Variants in SEMA3E observed in about 807,000 individuals in gnomAD.
SEMA3E encodes the protein semaphorin-3E.
A neutral mutation model predicts 93.6 loss-of-function variants in SEMA3E; 49 were observed. The ratio of observed to expected loss-of-function variants is 0.52; its 90% CI spans 0.42 to 0.66. The LOEUF is 0.66. SEMA3E is among the 30% of genes least tolerant of loss of function. The pLI, the probability that SEMA3E is intolerant of heterozygous loss-of-function variation, is 0.00. For missense variants in SEMA3E, 906 were observed against 964.8 expected (o/e 0.94, Z 0.81); for synonymous variants, 363 against 330.7 (o/e 1.10, Z -1.06).
At chr7:83,402,234 A>C (rs575099158) in intron 10 of SEMA3E, among the ~76,000 whole-genome samples, 1 of 152,066 alleles carries the variant, frequency 6.6e-6, no homozygotes, top group South Asian at 2.1e-4. Flanking sequence ...AGAACATAAA[A>C]ATTTGGTGAC....
At position 83,363,793 on chromosome 7, in the gene SEMA3E, ATATCTATACAATACTAAGTAC is replaced by A. The variant is rs1023032428; in HGVS notation, c.*3772_*3792del. The A allele has an allele frequency of 1.3e-5, 2 of 150,116 alleles. No individual in the cohort carries two copies. The highest frequency in any genetic ancestry group is 6.7e-5 in the Admixed American group (1 of 15,032). 9.3% of individuals were successfully genotyped at this position (150,116 alleles called of 1,614,324 possible). A position where few individuals can be genotyped will look rare whatever the true frequency, so the allele number is the denominator to read the frequency against. On this transcript the variant is annotated 3_prime_UTR_variant, in exon 17 of 17. Coordinates refer to ENST00000643230, the MANE Select transcript of SEMA3E (RefSeq NM_012431.3). ...TGTTGCATTTTCTCTTGGAATCCAA[ATATCTATACAATACTAAGTAC>A]TTTTCTTAATATGTTTATTAGGCTA... is the stretch of plus-strand genomic sequence containing the variant.
intron 1 of SEMA3E, among the ~76,000 whole-genome samples, chr7:83,513,917 G>A (rs1026214193): frequency 6.6e-6 from 1 of 152,186 alleles, no homozygotes; most frequent in Non-Finnish European, 1.5e-5. Context: ...AGATGAGGCT[G>A]AAACCTACTG....
intron 1 of SEMA3E, among the ~76,000 whole-genome samples, chr7:83,632,477 G>A (rs1793806570): frequency 6.6e-6 from 1 of 152,148 alleles, no homozygotes; most frequent in Non-Finnish European, 1.5e-5. Flanking sequence ...TAGTGAATAA[G>A]TCTCATGAGA....
intron 14 of SEMA3E, among the ~76,000 whole-genome samples, chr7:83,390,161 A>G (rs140952421): frequency 0.065 from 832 of 12,838 alleles, 93 homozygotes; most frequent in Non-Finnish European, 0.09. Context: ...GTGTGCACAT[A>G]TATGCGCGTA....
At chr7:83,622,421 G>A (rs1424517666) in intron 1 of SEMA3E, among the ~76,000 whole-genome samples, 1 of 152,138 alleles carries the variant, frequency 6.6e-6, no homozygotes, top group African/African-American at 2.4e-5. Flanking sequence ...ACACAGTGTG[G>A]CACTTCCTCA....
intron 4 of SEMA3E, among the ~76,000 whole-genome samples, chr7:83,440,225 C>T (rs373367509): frequency 6.6e-6 from 1 of 152,000 alleles, no homozygotes; most frequent in African/African-American, 2.4e-5. Flanking sequence ...ATAATGAGTG[C>T]CTCAGTGTGA....
chr7:83,464,677 C>A (rs181108736), intron 4 of SEMA3E, among the ~76,000 whole-genome samples: 48,706 of 110,972 alleles, frequency 0.44, 12,010 homozygotes, highest in East Asian at 0.82. Flanking sequence ...TTCAATTCAT[C>A]CAAAACCGTA....
chr7:83,524,666 C>T (rs1791117639), intron 1 of SEMA3E, among the ~76,000 whole-genome samples: 1 of 152,056 alleles, frequency 6.6e-6, no homozygotes, highest in South Asian at 2.1e-4. Flanking sequence ...TTCCTTCTTT[C>T]TGATCTACTT....
At chr7:83,631,395 A>T (rs1267975248) in intron 1 of SEMA3E, among the ~76,000 whole-genome samples, 1 of 152,210 alleles carries the variant, frequency 6.6e-6, no homozygotes, top group Non-Finnish European at 1.5e-5. Context: ...CTGTATGTTA[A>T]ACTCCTTCCA....
chr7:83,422,340 T>C (rs983669136), intron 4 of SEMA3E, among the ~76,000 whole-genome samples: 3 of 152,186 alleles, frequency 2.0e-5, no homozygotes, highest in African/African-American at 7.2e-5. Context: ...AGTAGAGAGA[T>C]GTTTTGTGTT....
At chr7:83,453,314 G>A (rs745352488) in intron 4 of SEMA3E, among the ~76,000 whole-genome samples, 69 of 151,638 alleles carry the variant, frequency 4.6e-4, no homozygotes, top group Non-Finnish European at 7.8e-4. Flanking sequence ...ACAGGCATGA[G>A]CTGGATATTT....
chr7:83,475,189 C>G (rs1004882944), intron 2 of SEMA3E, among the ~76,000 whole-genome samples: 5 of 151,916 alleles, frequency 3.3e-5, no homozygotes, highest in African/African-American at 1.2e-4. Context: ...TCCCTTCTTA[C>G]TCATTTTTCA....
At position 83,396,609 on chromosome 7, in the gene SEMA3E, A is replaced by G. The variant is rs113808556; in HGVS notation, c.1458+29T>C. ...TCTCACTTGTAGTTGTAATGCATAAATTTGGTCTGTATTTTTTGCTTTAAA... is the reference window on the plus strand; with the variant it reads ...TCTCACTTGTAGTTGTAATGCATAAGTTTGGTCTGTATTTTTTGCTTTAAA... On this transcript the variant is annotated intron_variant, in intron 12 of 16. Transcript: ENST00000643230. The G allele has an allele frequency of 4.4e-6, 6 of 1,371,928 alleles. 1 individual carries two copies. Among genetic ancestry groups the G allele is most frequent in the African/African-American group, 2.8e-5 (2 of 70,294 alleles). 85.0% of individuals were successfully genotyped at this position (1,371,928 alleles called of 1,614,324 possible).
At chr7:83,616,494 A>AT (rs1793369375) in intron 1 of SEMA3E, 1 of 252,750 alleles carries the variant, frequency 4.0e-6, no homozygotes. Context: ...TAAGATTCTA[A>AT]TAAAAAAAAA....
chr7:83,569,384 A>G (rs777060917), intron 1 of SEMA3E, among the ~76,000 whole-genome samples: 8 of 152,170 alleles, frequency 5.3e-5, no homozygotes, highest in Non-Finnish European at 7.3e-5. Flanking sequence ...AAAATTTCAC[A>G]TATCAATACT....
chr7:83,394,214 A>C (rs1788072887), intron 13 of SEMA3E, 83 bp downstream of exon 13: 2 of 1,394,766 alleles, frequency 1.4e-6, no homozygotes, highest in East Asian at 2.3e-5. Flanking sequence ...AAGCACATGT[A>C]CTAATGTTCT....
intron 1 of SEMA3E, among the ~76,000 whole-genome samples, chr7:83,583,886 G>A (rs1792565471): frequency 6.6e-6 from 1 of 152,136 alleles, no homozygotes. Context: ...ACTAGGAGGA[G>A]TCTGAGGAGT....
intron 4 of SEMA3E, among the ~76,000 whole-genome samples, chr7:83,458,154 ATATT>A (rs1212334245): frequency 1.1e-4 from 17 of 151,650 alleles, no homozygotes; most frequent in East Asian, 5.8e-4. Context: ...ATATTCAATC[ATATT>A]TAAAGATTCT....
intron 1 of SEMA3E, among the ~76,000 whole-genome samples, chr7:83,605,970 T>C (rs1438854289): frequency 6.6e-6 from 1 of 152,198 alleles, no homozygotes; most frequent in Non-Finnish European, 1.5e-5. Flanking sequence ...CATTTGTCAA[T>C]TTTAGTTTTG....
Sources: allele counts gnomAD v4.1 joint callset (sites outside exome capture counted in the v4.1 genomes callset), GRCh38; gene constraint gnomAD v4.1.1; transcripts MANE v1.5; gene names NCBI Gene and HGNC (gene_info 2026-07-23, HGNC 2026-07-21).